The following MOB1B variants were observed in gnomAD, a reference collection of about 807,000 sequenced individuals.
The protein encoded by MOB1B is MOB kinase activator 1B, also known as MOB1 Mps One Binder homolog B.
Under a neutral mutation model 24.4 loss-of-function variants are expected in MOB1B, and 19 were observed. The ratio of observed to expected loss-of-function variants is 0.78; its 90% CI spans 0.54 to 1.14. MOB1B has a LOEUF of 1.14. Ranked by LOEUF, MOB1B falls within the 50% of genes most tolerant of loss-of-function variation. The pLI, the probability that MOB1B is intolerant of heterozygous loss-of-function variation, is 0.00. For synonymous variants in MOB1B, 76 were observed against 82.1 expected, an observed-to-expected ratio of 0.93 and a Z score of 0.40; for missense variants, 243 against 259.6, an observed-to-expected ratio of 0.94 and a Z score of 0.44.
At chr4:70,965,050 C>G (rs1738457116) in intron 2 of MOB1B, among the ~76,000 whole-genome samples, 1 of 151,432 alleles carries the variant, frequency 6.6e-6, no homozygotes, top group African/African-American at 2.4e-5. Context: ...ATAATCCCAA[C>G]ACTTTGGGAG....
chr4:70,912,370 C>T (rs1029736659), intron 1 of MOB1B, among the ~76,000 whole-genome samples: 1 of 151,886 alleles, frequency 6.6e-6, no homozygotes, highest in Non-Finnish European at 1.5e-5. Flanking sequence ...TTCTCTGCCT[C>T]CTGGGTTCAA....
At chr4:70,952,263 A>G (rs529165328) in intron 1 of MOB1B, among the ~76,000 whole-genome samples, 141 of 152,200 alleles carry the variant, frequency 9.3e-4, no homozygotes, top group African/African-American at 3.3e-3. Context: ...GAAAGAATAA[A>G]GTAGATTTAC....
chr4:70,974,488 A>G (rs1738896948), intron 3 of MOB1B, among the ~76,000 whole-genome samples: 1 of 152,096 alleles, frequency 6.6e-6, no homozygotes, highest in African/African-American at 2.4e-5. Flanking sequence ...GAGTAGGGAA[A>G]GTGTCTTTCA....
chr4:70,950,874 G>A (rs886096688), intron 1 of MOB1B: 1 of 902,726 alleles, frequency 1.1e-6, no homozygotes, highest in Non-Finnish European at 1.8e-6. Flanking sequence ...ATAAGTTTCA[G>A]TAGTAAGGTA....
chr4:70,916,153 A>G (rs1402277964), intron 1 of MOB1B, among the ~76,000 whole-genome samples: 1 of 152,186 alleles, frequency 6.6e-6, no homozygotes, highest in Admixed American at 6.5e-5. Context: ...GGCCTCCCAG[A>G]ATTTTGTTTA....
intron 2 of MOB1B, among the ~76,000 whole-genome samples, chr4:70,966,335 A>G (rs1738528575): frequency 6.7e-6 from 1 of 150,314 alleles, no homozygotes; most frequent in African/African-American, 2.4e-5. Flanking sequence ...GCTTGAGGCC[A>G]GGGGGTTCAG....
intron 1 of MOB1B, among the ~76,000 whole-genome samples, chr4:70,944,722 G>C (rs1737500882): frequency 6.6e-6 from 1 of 152,116 alleles, no homozygotes; most frequent in African/African-American, 2.4e-5. Flanking sequence ...TACGTCACAT[G>C]GCAAAAGTAG....
rs570993046 is a variant in MOB1B, at chr4:70,984,971, A to G, written c.*2914A>G. Reference sequence around the variant, plus strand: ...TCTGTTAGTCATTTGTAAATTCTAAATGGTCACCATAAAATGTATTAGGTA... The same window carrying G: ...TCTGTTAGTCATTTGTAAATTCTAAGTGGTCACCATAAAATGTATTAGGTA... On this transcript the variant is annotated 3_prime_UTR_variant, in exon 6 of 6. Coordinates refer to ENST00000309395, the MANE Select transcript of MOB1B (RefSeq NM_173468.4). 4.4e-4 allele frequency: 67 copies of G among 152,192 alleles called. No individual in the cohort carries two copies. The highest frequency in any genetic ancestry group is 1.5e-3 in the African/African-American group (63 of 41,492). The allele number at this position is 152,192 out of a possible 1,614,324, so 9.4% of individuals were successfully genotyped here.
intron 1 of MOB1B, among the ~76,000 whole-genome samples, chr4:70,927,767 C>T (rs78312577): frequency 0.034 from 5,198 of 152,076 alleles, 182 homozygotes; most frequent in African/African-American, 0.091. Flanking sequence ...AGGAATCCTT[C>T]GGTGCACTCG....
chr4:70,944,200 A>G (rs1682850630), intron 1 of MOB1B, among the ~76,000 whole-genome samples: 2 of 152,080 alleles, frequency 1.3e-5, no homozygotes, highest in South Asian at 2.1e-4. Flanking sequence ...ATGCCCGGCT[A>G]ATTTTTGTAT....
Position 70,983,388 on chromosome 4 carries a change from C to A in MOB1B, c.*1331C>A, listed in dbSNP as rs1739278199. ...AAAATGCTAATTCAGTAGTTATTAACTTCTAAATTTTATTCGCCATGACTT... is the reference window on the plus strand; with the variant it reads ...AAAATGCTAATTCAGTAGTTATTAAATTCTAAATTTTATTCGCCATGACTT... On this transcript the variant is annotated 3_prime_UTR_variant, in exon 6 of 6. Coordinates refer to ENST00000309395, the MANE Select transcript of MOB1B (RefSeq NM_173468.4). 6.6e-6 allele frequency: 1 copy of A among 152,504 alleles called. No homozygotes were observed. Among genetic ancestry groups the A allele is most frequent in the South Asian group, 2.1e-4 (1 of 4,830 alleles). 9.4% of individuals were successfully genotyped at this position (152,504 alleles called of 1,614,324 possible).
At chr4:70,979,065 G>T in intron 4 of MOB1B, 63 bp from the exon 5 acceptor site, 1 of 1,381,276 alleles carries the variant, frequency 7.2e-7, no homozygotes, top group South Asian at 1.3e-5. Flanking sequence ...GACCTTTGCC[G>T]ACAAACTCAT....
intron 3 of MOB1B, among the ~76,000 whole-genome samples, chr4:70,973,469 C>CAAA (rs528813623): frequency 4.1e-4 from 20 of 49,370 alleles, no homozygotes; most frequent in Admixed American, 1.1e-3. Context: ...GACCCTGTCT[C>CAAA]AAAAAAAAAA....
At chr4:70,963,555 C>T (rs544576758) in intron 2 of MOB1B, among the ~76,000 whole-genome samples, 3 of 152,046 alleles carry the variant, frequency 2.0e-5, no homozygotes, top group Non-Finnish European at 4.4e-5. Context: ...CATGGTGGCT[C>T]ATGCCTGTAA....
chr4:70,969,809 G>T, intron 2 of MOB1B, 122 bp from the exon 3 acceptor site: 454 of 416,206 alleles, frequency 1.1e-3, no homozygotes, highest in Middle Eastern at 1.7e-3. Flanking sequence ...TTCTGTGTAT[G>T]GTTTTCACCT....
chr4:70,949,128 C>T (rs1737694726), intron 1 of MOB1B, among the ~76,000 whole-genome samples: 1 of 152,200 alleles, frequency 6.6e-6, no homozygotes, highest in Admixed American at 6.5e-5. Context: ...TCAGACTTCT[C>T]AGTCACTATG....
intron 1 of MOB1B, among the ~76,000 whole-genome samples, chr4:70,919,682 A>G (rs1484444671): frequency 6.6e-6 from 1 of 152,184 alleles, no homozygotes; most frequent in Admixed American, 6.5e-5. Flanking sequence ...TAGTTTTAGT[A>G]GAGACAGGGT....
intron 3 of MOB1B, among the ~76,000 whole-genome samples, chr4:70,973,009 A>G (rs546165926): frequency 0.022 from 3,340 of 151,586 alleles, 128 homozygotes; most frequent in African/African-American, 0.076. Context: ...TCCTGACCTC[A>G]TGATCCGCCC....
intron 1 of MOB1B, among the ~76,000 whole-genome samples, chr4:70,921,729 G>A (rs1013045052): frequency 6.6e-6 from 1 of 151,878 alleles, no homozygotes; most frequent in African/African-American, 2.4e-5. Context: ...GGTTGATCTC[G>A]AACTCCTGAC....
Sources: gnomAD v4.1 joint callset for allele counts (sites outside exome capture counted in the v4.1 genomes callset) on GRCh38, gnomAD v4.1.1 for gene constraint, MANE v1.5 for transcripts, NCBI Gene and HGNC (gene_info 2026-07-23, HGNC 2026-07-21) for gene names.